The following KIAA1328 variants were observed in gnomAD, a reference collection of about 807,000 sequenced individuals.
KIAA1328 encodes the protein protein hinderin.
A neutral mutation model predicts 68.1 loss-of-function variants in KIAA1328; 52 were observed. The ratio of observed to expected loss-of-function variants is 0.76; its 90% CI spans 0.61 to 0.96. KIAA1328 has a LOEUF of 0.96. KIAA1328 is among the 40% of genes least tolerant of loss of function. The pLI is 0.00. For missense variants in KIAA1328, 641 were observed against 677.6 expected (o/e 0.95, Z 0.60); for synonymous variants, 232 against 239.4 (o/e 0.97, Z 0.28).
intron 4 of KIAA1328, among the ~76,000 whole-genome samples, chr18:36,870,414 CTT>C (rs1179476669): frequency 6.6e-6 from 1 of 152,020 alleles, no homozygotes; most frequent in Non-Finnish European, 1.5e-5. Context: ...TGAAATATAA[CTT>C]TTCTAATTTT....
chr18:37,067,662 G>T, intron 7 of KIAA1328, 117 bp downstream of exon 7: 2 of 1,055,758 alleles, frequency 1.9e-6, no homozygotes, highest in South Asian at 3.6e-5. Context: ...CCGAGTTCAA[G>T]CAGTTCTCTG....
At chr18:36,999,154 A>G (rs1483713391) in intron 6 of KIAA1328, among the ~76,000 whole-genome samples, 2 of 152,232 alleles carry the variant, frequency 1.3e-5, no homozygotes, top group Non-Finnish European at 2.9e-5. Context: ...GAAAGCTTCA[A>G]AAATAGACTA....
chr18:37,226,623 G>A (rs2060639717), downstream of KIAA1328, among the ~76,000 whole-genome samples: 1 of 151,282 alleles, frequency 6.6e-6, no homozygotes, highest in Non-Finnish European at 1.5e-5. Context: ...CATATACATG[G>A]TTCCTTTTGA....
chr18:37,065,151 G>T (rs1228210056), intron 6 of KIAA1328, among the ~76,000 whole-genome samples: 1 of 152,176 alleles, frequency 6.6e-6, no homozygotes, highest in African/African-American at 2.4e-5. Context: ...AGAAGATTAA[G>T]AATTTTTGCT....
At chr18:36,999,449 G>C (rs1271636297) in intron 6 of KIAA1328, among the ~76,000 whole-genome samples, 1 of 152,116 alleles carries the variant, frequency 6.6e-6, no homozygotes, top group Non-Finnish European at 1.5e-5. Context: ...ATGCAAAAAG[G>C]ACTTCTCCAT....
At chr18:36,947,726 G>A (rs1385942189) in intron 5 of KIAA1328, among the ~76,000 whole-genome samples, 1 of 152,204 alleles carries the variant, frequency 6.6e-6, no homozygotes, top group Non-Finnish European at 1.5e-5. Context: ...GAACTGGAAA[G>A]GGAGGAGGAT....
At chr18:37,209,061 A>G (rs1031951949) in intron 9 of KIAA1328, among the ~76,000 whole-genome samples, 9 of 152,330 alleles carry the variant, frequency 5.9e-5, no homozygotes, top group African/African-American at 2.2e-4. Flanking sequence ...CAGGAGGTGA[A>G]GTAATCTGAA....
chr18:36,913,735 AT>A (rs1173722888), intron 5 of KIAA1328, among the ~76,000 whole-genome samples: 4 of 152,192 alleles, frequency 2.6e-5, no homozygotes, highest in Admixed American at 6.6e-5. Flanking sequence ...ATAGTTTACA[AT>A]GGCATGTGTA....
In KIAA1328 at chr18:37,017,050, G is replaced by A. The variant is rs905887353; in HGVS notation, c.577-49840G>A. Among the ~76,000 whole-genome samples, 6 of 152,122 alleles carry A rather than the reference G, an allele frequency of 3.9e-5. No homozygotes were observed. In the East Asian group the frequency reaches 7.7e-4, roughly 20 times the overall value. On this transcript the variant is annotated intron_variant, in intron 6 of 9. Coordinates refer to ENST00000280020, the MANE Select transcript of KIAA1328 (RefSeq NM_020776.3). ...TCTTGTTTCTCTAGTTCCTCTAGGT[G>A]TGATGTTAGATCATTAATTTGAGAT...
chr18:36,915,636 A>C (rs1049757552), intron 5 of KIAA1328, among the ~76,000 whole-genome samples: 19 of 152,192 alleles, frequency 1.2e-4, no homozygotes, highest in Admixed American at 1.2e-3. Flanking sequence ...ATTATCTTAC[A>C]CACCTTCTAG....
intron 7 of KIAA1328, among the ~76,000 whole-genome samples, chr18:37,157,064 A>T (rs2059168410): frequency 6.6e-6 from 1 of 152,110 alleles, no homozygotes; most frequent in Non-Finnish European, 1.5e-5. Flanking sequence ...TCAAGAAAAA[A>T]TGTTTTCTTG....
At chr18:36,965,031 A>G (rs970515073) in intron 6 of KIAA1328, among the ~76,000 whole-genome samples, 1 of 152,154 alleles carries the variant, frequency 6.6e-6, no homozygotes, top group Admixed American at 6.5e-5. Flanking sequence ...GAGAAAGCCT[A>G]GGCAGCATTT....
At position 37,225,103 on chromosome 18, in the gene KIAA1328, C is replaced by G. The variant is rs1292236713; in HGVS notation, c.*2876C>G. On this transcript the variant is annotated 3_prime_UTR_variant, in exon 10 of 10. Coordinates refer to ENST00000280020, the MANE Select transcript of KIAA1328 (RefSeq NM_020776.3). ...CCTCAGAGCTACTCTTCACTTGTCC[C>G]TGCTTCCGGCACCAAGTTCATAATA... 2 of 985,324 alleles carry G rather than the reference C, an allele frequency of 2.0e-6. No individual in the cohort carries two copies. Among genetic ancestry groups the G allele is most frequent in the African/African-American group, 3.5e-5 (2 of 57,230 alleles). The allele number at this position is 985,324 out of a possible 1,614,324, so 61.0% of individuals were successfully genotyped here.
intron 9 of KIAA1328, among the ~76,000 whole-genome samples, chr18:37,211,502 A>G (rs922373236): frequency 1.3e-5 from 2 of 152,210 alleles, no homozygotes; most frequent in African/African-American, 4.8e-5. Context: ...AAGCCTGTGC[A>G]CAGTTCTTCA....
At chr18:37,086,607 C>G (rs952496036) in intron 7 of KIAA1328, among the ~76,000 whole-genome samples, 3 of 152,282 alleles carry the variant, frequency 2.0e-5, no homozygotes, top group African/African-American at 7.2e-5. Flanking sequence ...TGTAGGAGTG[C>G]AGAGGCAGTA....
chr18:36,878,731 C>A (rs1426258048), intron 4 of KIAA1328, among the ~76,000 whole-genome samples: 1 of 151,992 alleles, frequency 6.6e-6, no homozygotes, highest in Non-Finnish European at 1.5e-5. Flanking sequence ...CTTTTTTTCT[C>A]TAATCTTGTC....
intron 6 of KIAA1328, among the ~76,000 whole-genome samples, chr18:37,041,970 T>C (rs1393425482): frequency 6.6e-6 from 1 of 152,118 alleles, no homozygotes; most frequent in Admixed American, 6.6e-5. Flanking sequence ...CAGCCTCAAC[T>C]TCCCAGGGTC....
At chr18:36,989,100 A>T (rs1012763232) in intron 6 of KIAA1328, among the ~76,000 whole-genome samples, 3 of 152,196 alleles carry the variant, frequency 2.0e-5, no homozygotes, top group Non-Finnish European at 4.4e-5. Context: ...TAATGCCTTT[A>T]TGTTGAGTTA....
intron 6 of KIAA1328, among the ~76,000 whole-genome samples, chr18:36,988,765 T>G (rs1175869193): frequency 6.6e-6 from 1 of 152,204 alleles, no homozygotes. Context: ...TTTTTACAAC[T>G]TACTGTTACC....
Sources: allele counts gnomAD v4.1 joint callset (sites outside exome capture counted in the v4.1 genomes callset), GRCh38; gene constraint gnomAD v4.1.1; transcripts MANE v1.5; gene names NCBI Gene and HGNC (gene_info 2026-07-23, HGNC 2026-07-21).